Variants in MAML2 observed in about 807,000 individuals in gnomAD.
MAML2 encodes mastermind-like protein 2.
MAML2 carries 22 observed loss-of-function variants against 96.1 expected under a neutral mutation model. That is an observed-to-expected ratio of 0.23 (90% confidence interval 0.16 to 0.33). The LOEUF is 0.33. MAML2 is among the 10% of genes least tolerant of loss of function. MAML2 has a pLI of 1.00. For synonymous variants in MAML2, 561 were observed against 521.3 expected (o/e 1.08, Z -1.04); for missense variants, 1,367 against 1,392.4 (o/e 0.98, Z 0.29).
At chr11:96,117,967 T>C (rs1388380958) in intron 1 of MAML2, among the ~76,000 whole-genome samples, 2 of 152,182 alleles carry the variant, frequency 1.3e-5, no homozygotes, top group African/African-American at 4.8e-5. Context: ...TAAGAAATAA[T>C]TGTGATGAAT....
rs765317290 is a variant in MAML2, at chr11:95,979,505, T to C, written c.2914A>G (p.Thr972Ala). Residue 972 changes from threonine (T) to alanine (A), a missense_variant, in exon 5 of 5, where the codon ACA becomes GCA. By Grantham distance (58) the Thr-to-Ala change is moderately conservative (BLOSUM62 0). Coordinates refer to ENST00000524717, the MANE Select transcript of MAML2 (RefSeq NM_032427.4). ...GTCAGGGCTTCTTGCTGTTTGCTTG[T>C]TCCTTCTTGAGAGGCCCAGTTTGGT... ...TAPNWASQEG[T>A]SKQQEALTSA... is the part of the protein sequence containing the mutation. 5.0e-6 allele frequency: 8 copies of C among 1,613,614 alleles called. No individual in the cohort carries two copies. Among genetic ancestry groups the C allele is most frequent in the Non-Finnish European group, 6.8e-6 (8 of 1,179,816 alleles).
chr11:96,196,112 C>T (rs1488071819), intron 1 of MAML2, among the ~76,000 whole-genome samples: 1 of 152,124 alleles, frequency 6.6e-6, no homozygotes, highest in Non-Finnish European at 1.5e-5. Flanking sequence ...CTAACAATTA[C>T]ATTGTTAGAG....
In MAML2 at chr11:96,064,367, T is replaced by C. The variant is rs188661819; in HGVS notation, c.2139+27525A>G. On this transcript the variant is annotated intron_variant, in intron 2 of 4. Transcript: ENST00000524717. ...TCATGTCTCCTCTAGAAAATATTCA[T>C]TAGACAAGAGGACTTCTAATGTTCC... Among the ~76,000 whole-genome samples, 155 of 152,334 alleles carry C rather than the reference T, an allele frequency of 1.0e-3. 1 individual carries two copies. Among genetic ancestry groups the C allele is most frequent in the African/African-American group, 3.6e-3 (148 of 41,574 alleles).
Position 96,044,346 on chromosome 11 carries a change from T to C in MAML2, c.2139+47546A>G, listed in dbSNP as rs559717907. Among the ~76,000 whole-genome samples, 10 of 152,284 alleles carry C rather than the reference T, an allele frequency of 6.6e-5. No homozygotes were observed. In the East Asian group the frequency reaches 1.5e-3, roughly 24 times the overall value. Reference sequence around the variant, plus strand: ...CACACACAACCTATTTGTCATGACATGTAGGGTGGTGGTAAAGGTTCTCTG... The same window carrying C: ...CACACACAACCTATTTGTCATGACACGTAGGGTGGTGGTAAAGGTTCTCTG... On this transcript the variant is annotated intron_variant, in intron 2 of 4. Transcript: ENST00000524717.
In MAML2 at chr11:96,113,242, C is replaced by T. The variant is rs192699084; in HGVS notation, c.514-19725G>A. Among the ~76,000 whole-genome samples, 146 of 151,110 alleles carry T rather than the reference C, an allele frequency of 9.7e-4. 2 individuals carry two copies. The highest frequency in any genetic ancestry group is 6.9e-3 in the Middle Eastern group (2 of 288). ...CAAGCTAGGGCTACTCACATTTAAT[C>T]ATGCTGTTCAAAAGGAAGCATATTG... On this transcript the variant is annotated intron_variant, in intron 1 of 4. Coordinates refer to ENST00000524717, the MANE Select transcript of MAML2 (RefSeq NM_032427.4).
At position 96,188,361 on chromosome 11, in the gene MAML2, C is replaced by G. The variant is rs193078922; in HGVS notation, c.514-94844G>C. On this transcript the variant is annotated intron_variant, in intron 1 of 4. Transcript: ENST00000524717. ...AAAGCCAACACATCTCTCTCTACCC[C>G]CATCCTTCCCTGAATAACCTAGATA... Among the ~76,000 whole-genome samples the G allele has an allele frequency of 2.0e-3, 311 of 152,306 alleles. 3 individuals are homozygous for G. The highest frequency in any genetic ancestry group is 3.4e-3 in the Non-Finnish European group (231 of 68,010).
intron 1 of MAML2, among the ~76,000 whole-genome samples, chr11:96,235,609 C>G (rs1862356718): frequency 6.6e-6 from 1 of 152,058 alleles, no homozygotes; most frequent in South Asian, 2.1e-4. Flanking sequence ...GAGGGCTGGC[C>G]CTGGTGATCA....
At chr11:96,191,554 C>A (rs960966082) in intron 1 of MAML2, among the ~76,000 whole-genome samples, 1 of 151,356 alleles carries the variant, frequency 6.6e-6, no homozygotes, top group South Asian at 2.1e-4. Flanking sequence ...GTGGCTGGAT[C>A]ACGAGGTCAA....
rs186959787 is a variant in MAML2, at chr11:96,098,977, A to G, written c.514-5460T>C. 1.8e-3 allele frequency among the ~76,000 whole-genome samples: 269 copies of G among 151,786 alleles called. 1 individual carries two copies. The highest frequency in any genetic ancestry group is 3.2e-3 in the Non-Finnish European group (219 of 68,018). On this transcript the variant is annotated intron_variant, in intron 1 of 4. Coordinates refer to ENST00000524717, the MANE Select transcript of MAML2 (RefSeq NM_032427.4). The stretch of plus-strand genomic sequence containing the variant: ...TCCCCTGCCCCCATCCCTTTCCACA[A>G]AATAAATGCATTCTTTGTCTCCGGT...
chr11:96,284,673 T>C (rs914356820), intron 1 of MAML2, among the ~76,000 whole-genome samples: 2 of 152,260 alleles, frequency 1.3e-5, no homozygotes, highest in East Asian at 1.9e-4. Flanking sequence ...ACCAGAACTC[T>C]GCTAGCAAAA....
At position 96,159,452 on chromosome 11, in the gene MAML2, A is replaced by G. The variant is rs1413771333; in HGVS notation, c.514-65935T>C. 3.3e-3 allele frequency among the ~76,000 whole-genome samples: 327 copies of G among 99,762 alleles called. 6 individuals carry two copies. The highest frequency in any genetic ancestry group is 0.032 in the Admixed American group (208 of 6,412). 65.4% of individuals were successfully genotyped at this position (99,762 alleles called of 152,430 possible). A position where few individuals can be genotyped will look rare whatever the true frequency, so the allele number is the denominator to read the frequency against. ...TTTTGAGACGGAGTCTCGCTCTGTCACCCAGGCTGGAGTGCAGTGGTGCGA... is the reference window on the plus strand; with the variant it reads ...TTTTGAGACGGAGTCTCGCTCTGTCGCCCAGGCTGGAGTGCAGTGGTGCGA... On this transcript the variant is annotated intron_variant, in intron 1 of 4. Coordinates refer to ENST00000524717, the MANE Select transcript of MAML2 (RefSeq NM_032427.4).
chr11:96,222,064 C>G (rs947630578), intron 1 of MAML2, among the ~76,000 whole-genome samples: 1 of 152,146 alleles, frequency 6.6e-6, no homozygotes. Context: ...TTTATTAAAA[C>G]CAGACCAACG....
chr11:96,292,341 G>A (rs1387135874), intron 1 of MAML2, among the ~76,000 whole-genome samples: 1 of 152,196 alleles, frequency 6.6e-6, no homozygotes, highest in Non-Finnish European at 1.5e-5. Flanking sequence ...GTTCTGTGAA[G>A]GGAAGGAAAT....
At chr11:96,073,608 A>G (rs1213214394) in intron 2 of MAML2, among the ~76,000 whole-genome samples, 2 of 152,104 alleles carry the variant, frequency 1.3e-5, no homozygotes, top group Non-Finnish European at 2.9e-5. Flanking sequence ...GTGTGAGCCA[A>G]TTAAAGGAGT....
At chr11:96,295,054 G>C (rs1164653887) in intron 1 of MAML2, among the ~76,000 whole-genome samples, 1 of 152,198 alleles carries the variant, frequency 6.6e-6, no homozygotes, top group Non-Finnish European at 1.5e-5. Flanking sequence ...CCCAGGTATA[G>C]AAGCACATTT....
intron 2 of MAML2, among the ~76,000 whole-genome samples, chr11:96,078,892 AGGATATC>A (rs1289047799): frequency 6.6e-6 from 1 of 152,244 alleles, no homozygotes; most frequent in Non-Finnish European, 1.5e-5. Flanking sequence ...GTTTCCAACA[AGGATATC>A]AATTCAAATT....
At chr11:96,330,920 C>T (rs951248641) in intron 1 of MAML2, among the ~76,000 whole-genome samples, 5 of 152,034 alleles carry the variant, frequency 3.3e-5, no homozygotes, top group African/African-American at 1.2e-4. Context: ...CCAGGAGTGG[C>T]AAAGTTACAT....
At chr11:96,009,884 G>T (rs1858240819) in intron 2 of MAML2, among the ~76,000 whole-genome samples, 1 of 152,118 alleles carries the variant, frequency 6.6e-6, no homozygotes, top group Non-Finnish European at 1.5e-5. Context: ...TTTACAAAAA[G>T]GTCATGTATT....
intron 2 of MAML2, among the ~76,000 whole-genome samples, chr11:96,068,535 T>C (rs1859282295): frequency 6.6e-6 from 1 of 151,342 alleles, no homozygotes; most frequent in African/African-American, 2.4e-5. Context: ...TCTGACTTAA[T>C]TGGTCTTGGG....
Sources: allele counts gnomAD v4.1 joint callset (sites outside exome capture counted in the v4.1 genomes callset), GRCh38; gene constraint gnomAD v4.1.1; transcripts MANE v1.5; gene names NCBI Gene and HGNC (gene_info 2026-07-23, HGNC 2026-07-21).